ADSS2: variants seen among roughly 807,000 people sequenced by gnomAD.
ADSS2 encodes the protein adenylosuccinate synthetase isozyme 2.
In ADSS2, 30 loss-of-function variants were observed where a neutral mutation model predicts 60.0. That is an observed-to-expected ratio of 0.50 (90% CI 0.37 to 0.68). The LOEUF (loss-of-function observed/expected upper bound fraction) is 0.68, where lower values mean the gene tolerates loss of function less well. ADSS2 is among the 30% of genes least tolerant of loss of function. ADSS2 has a pLI of 0.00. For synonymous variants in ADSS2, 187 were observed against 193.1 expected (o/e 0.97, Z 0.26); for missense variants, 373 against 554.8 (o/e 0.67, Z 3.29).
At chr1:244,429,247 T>G (rs1664875257) in intron 4 of ADSS2, among the ~76,000 whole-genome samples, 1 of 152,206 alleles carries the variant, frequency 6.6e-6, no homozygotes, top group Non-Finnish European at 1.5e-5. Context: ...ATCCCTCCAT[T>G]TCAAAGCCTA....
chr1:244,409,589 A>G lies in ADSS2; in HGVS notation c.1368T>C (p.Phe456=), dbSNP rs759638287. 2 of 1,607,486 alleles carry G rather than the reference A, an allele frequency of 1.2e-6. No individual in the cohort carries two copies. The highest frequency in any genetic ancestry group is 2.7e-5 in the African/African-American group (2 of 74,776). The stretch of plus-strand genomic sequence containing the variant: ...TTTCTTGCATTACTGGCAATCATTA[A>G]AAGAGTTGAATCATAGATTCTCTGG... ...GKSRESMIQL[F] is the part of the protein sequence containing the mutation. The change falls in exon 13 of 13, where the codon TTT becomes TTC. Residue 456 remains phenylalanine, a synonymous_variant. Transcript: ENST00000366535.
intron 6 of ADSS2, 35 bp from the exon 7 acceptor site, chr1:244,422,951 CTG>C: frequency 7.5e-7 from 1 of 1,328,084 alleles, no homozygotes; most frequent in South Asian, 1.3e-5. Context: ...CATTACCACT[CTG>C]TGAAAAATAT....
At position 244,432,572 on chromosome 1, in the gene ADSS2, G is replaced by T; in HGVS notation, c.379C>A (p.Leu127Ile). Residue 127 changes from leucine (L) to isoleucine (I), a missense_variant, in exon 4 of 13, where the codon CTT becomes ATT. By Grantham distance (5) the Leu-to-Ile change is conservative (BLOSUM62 2). Around this residue, in one of 5 missense-constraint regions of ADSS2, gnomAD observed 139 missense variants for 189.4 expected, o/e 0.73. Coordinates refer to ENST00000366535, the MANE Select transcript of ADSS2 (RefSeq NM_001126.5). Reference sequence around the variant, plus strand: ...ATATGAGCTCTGTCAGATATAATAAGCCTTTTTTCCCAGCCTTCTAGTCCT... The same window carrying T: ...ATATGAGCTCTGTCAGATATAATAATCCTTTTTTCCCAGCCTTCTAGTCCT... ...GKGLEGWEKR[L>I]IISDRAHIVF... is the part of the protein sequence containing the mutation. 1 of 1,572,728 alleles carries T rather than the reference G, an allele frequency of 6.4e-7. No homozygotes were observed. Among genetic ancestry groups the T allele is most frequent in the Non-Finnish European group, 8.6e-7 (1 of 1,156,516 alleles).
intron 3 of ADSS2, 51 bp downstream of exon 3, chr1:244,436,774 T>C: frequency 6.7e-7 from 1 of 1,502,498 alleles, no homozygotes; most frequent in South Asian, 1.2e-5. Context: ...AAGATCCTAA[T>C]AAAACTTTAC....
intron 1 of ADSS2, among the ~76,000 whole-genome samples, chr1:244,449,505 T>TC (rs1479079463): frequency 1.3e-5 from 2 of 152,222 alleles, no homozygotes; most frequent in Non-Finnish European, 2.9e-5. Flanking sequence ...CACTAAGAAC[T>TC]TCAACATTCC....
chr1:244,425,023 C>T, intron 4 of ADSS2: 1 of 152,562 alleles, frequency 6.6e-6, no homozygotes, highest in Non-Finnish European at 1.5e-5. Context: ...TTCTTTGCAG[C>T]CCTCAGCTAC....
At chr1:244,441,063 T>C (rs1049859315) in intron 1 of ADSS2, among the ~76,000 whole-genome samples, 1 of 150,364 alleles carries the variant, frequency 6.7e-6, no homozygotes. Context: ...ACTTAGTCTT[T>C]TTTTTTTTTT....
rs1312376152 is a variant in ADSS2, at chr1:244,451,117, T to G, written c.183+518A>C. 6.6e-6 allele frequency among the ~76,000 whole-genome samples: 1 copy of G among 152,176 alleles called. No individual in the cohort carries two copies. The highest frequency in any genetic ancestry group is 2.4e-5 in the African/African-American group (1 of 41,436). On this transcript the variant is annotated intron_variant, in intron 1 of 12. Transcript: ENST00000366535. The surrounding 1 kb of genome is among the most constrained non-coding windows in gnomAD (Gnocchi z 6.6). ...AGCAAAGCACTGCATGCCACGGTCCTGCAGATGGGGGATCGGTGAGTCTGA... is the reference window on the plus strand; with the variant it reads ...AGCAAAGCACTGCATGCCACGGTCCGGCAGATGGGGGATCGGTGAGTCTGA...
intron 3 of ADSS2, among the ~76,000 whole-genome samples, chr1:244,433,357 C>A (rs1385142768): frequency 6.6e-6 from 1 of 152,218 alleles, no homozygotes; most frequent in Non-Finnish European, 1.5e-5. Context: ...TCATTCCATA[C>A]ATAAATTCAC....
rs571526439 is a variant in ADSS2, at chr1:244,439,854, C to T, written c.184-2086G>A. Among the ~76,000 whole-genome samples the T allele has an allele frequency of 7.2e-5, 11 of 152,352 alleles. No individual in the cohort carries two copies. The South Asian group carries it at 2.3e-3, about 32-fold the overall frequency. Reference sequence around the variant, plus strand: ...GCTAGGATGGGCAATTCCCCTCTGGCTAGGGCTGATCTAAACGCTCCTTCC... The same window carrying T: ...GCTAGGATGGGCAATTCCCCTCTGGTTAGGGCTGATCTAAACGCTCCTTCC... On this transcript the variant is annotated intron_variant, in intron 1 of 12. Transcript: ENST00000366535.
At chr1:244,437,837 G>T in intron 1 of ADSS2, 69 bp from the exon 2 acceptor site, 1 of 1,193,702 alleles carries the variant, frequency 8.4e-7, no homozygotes, top group Non-Finnish European at 1.2e-6. Context: ...TCCCTCCAAA[G>T]TGAATTAATG....
rs959403182 is a variant in ADSS2 at position 244,451,134 on chromosome 1, T to A, written c.183+501A>T. 2.0e-5 allele frequency among the ~76,000 whole-genome samples: 3 copies of A among 152,036 alleles called. No homozygotes were observed. Among genetic ancestry groups the A allele is most frequent in the African/African-American group, 7.2e-5 (3 of 41,396 alleles). ...CACGGTCCTGCAGATGGGGGATCGG[T>A]GAGTCTGATTTCAGGACGTTTCGAA... is the stretch of plus-strand genomic sequence containing the variant. On this transcript the variant is annotated intron_variant, in intron 1 of 12. Coordinates refer to ENST00000366535, the MANE Select transcript of ADSS2 (RefSeq NM_001126.5). This position sits in a 1 kb window ranked among gnomAD's most constrained non-coding sequence, Gnocchi z 6.6.
chr1:244,418,839 T>C lies in ADSS2; in HGVS notation c.866A>G (p.Asn289Ser). The change falls in exon 9 of 13, where the codon AAT becomes AGT. Residue 289 changes from asparagine to serine, a missense_variant. Transcript: ENST00000366535. The stretch of plus-strand genomic sequence containing the variant: ...CACAACTCCATACACTTCTCCAACA[T>C]TTTGAGGTGGCATACCCAAACCAGT... ...VCTGLGMPPQNVGEVYGVVKA... is the reference protein window; with the variant it reads ...VCTGLGMPPQSVGEVYGVVKA... 6.2e-7 allele frequency: 1 copy of C among 1,614,018 alleles called. No individual in the cohort carries two copies. The highest frequency in any genetic ancestry group is 8.5e-7 in the Non-Finnish European group (1 of 1,179,956).
chr1:244,436,713 T>C, intron 3 of ADSS2, 112 bp downstream of exon 3: 4 of 883,530 alleles, frequency 4.5e-6, no homozygotes, highest in Non-Finnish European at 7.0e-6. Context: ...AATTCGTCTA[T>C]AATAGCCCGA....
chr1:244,415,546 A>G (rs1664509277), intron 11 of ADSS2, among the ~76,000 whole-genome samples: 1 of 152,188 alleles, frequency 6.6e-6, no homozygotes, highest in Admixed American at 6.5e-5. Flanking sequence ...ACTATAGAAT[A>G]AAGAGCAGAG....
chr1:244,442,664 G>C (rs1367915319), intron 1 of ADSS2, among the ~76,000 whole-genome samples: 1 of 152,136 alleles, frequency 6.6e-6, no homozygotes, highest in East Asian at 1.9e-4. Flanking sequence ...CTACACAGAA[G>C]GGTCTTCAGG....
chr1:244,432,298 C>T (rs1364864351), intron 4 of ADSS2, among the ~76,000 whole-genome samples: 1 of 152,028 alleles, frequency 6.6e-6, no homozygotes, highest in Non-Finnish European at 1.5e-5. Context: ...TTAGAGATGT[C>T]TTATGAAATA....
At chr1:244,444,288 G>A (rs1053417199) in intron 1 of ADSS2, among the ~76,000 whole-genome samples, 4 of 151,402 alleles carry the variant, frequency 2.6e-5, no homozygotes, top group Admixed American at 2.6e-4. Context: ...GGCCGAGGCG[G>A]GCGGATCACG....
At chr1:244,433,523 G>A (rs1361546178) in intron 3 of ADSS2, among the ~76,000 whole-genome samples, 1 of 152,162 alleles carries the variant, frequency 6.6e-6, no homozygotes, top group Non-Finnish European at 1.5e-5. Context: ...TGCCAGAAGG[G>A]AGTTAATTTT....
Sources: allele counts gnomAD v4.1 joint callset (sites outside exome capture counted in the v4.1 genomes callset), GRCh38; gene constraint gnomAD v4.1.1; regional missense constraint gnomAD v4.1.1; non-coding constraint Gnocchi (gnomAD v3.1); transcripts MANE v1.5; gene names NCBI Gene and HGNC (gene_info 2026-07-23, HGNC 2026-07-21).